The following LUZP2 variants were observed in gnomAD, a reference collection of about 807,000 sequenced individuals.
The protein encoded by LUZP2 is leucine zipper protein 2.
LUZP2 carries 52 observed loss-of-function variants against 51.6 expected under a neutral mutation model. The ratio of observed to expected loss-of-function variants is 1.01; its 90% CI spans 0.81 to 1.27. The LOEUF (loss-of-function observed/expected upper bound fraction) is 1.27, where lower values mean the gene tolerates loss of function less well. LUZP2 is among the 50% of genes most tolerant of loss of function. The pLI, the probability that LUZP2 is intolerant of heterozygous loss-of-function variation, is 0.00. For synonymous variants in LUZP2, 154 were observed against 137.3 expected, an observed-to-expected ratio of 1.12 and a Z score of -0.85; for missense variants, 436 against 395.4, an observed-to-expected ratio of 1.10 and a Z score of -0.87.
At chr11:24,984,965 A>G (rs1006682228) in intron 9 of LUZP2, among the ~76,000 whole-genome samples, 1 of 151,512 alleles carries the variant, frequency 6.6e-6, no homozygotes, top group Admixed American at 6.6e-5. Context: ...TAGCTCATTG[A>G]TCTGTTTAAT....
intron 5 of LUZP2, among the ~76,000 whole-genome samples, chr11:24,858,360 T>G (rs1851632973): frequency 6.6e-6 from 1 of 152,166 alleles, no homozygotes; most frequent in Non-Finnish European, 1.5e-5. Flanking sequence ...GAGATGCTAT[T>G]TATCTTTAAA....
At position 24,703,628 on chromosome 11, in the gene LUZP2, G is replaced by C. The variant is rs1023969593; in HGVS notation, c.63-25541G>C. ...ACCTGAGGTCAGGAGTTCGAGACCA[G>C]CCTGGCCAACATGGTGACACTCTGT... On this transcript the variant is annotated intron_variant, in intron 1 of 11. Coordinates refer to ENST00000336930, the MANE Select transcript of LUZP2 (RefSeq NM_001009909.4). 2.6e-5 allele frequency among the ~76,000 whole-genome samples: 4 copies of C among 151,816 alleles called. No individual in the cohort carries two copies. In the East Asian group the frequency reaches 5.9e-4, roughly 22 times the overall value.
rs542165392 is a variant in LUZP2 at position 24,637,745 on chromosome 11, G to A, written c.63-91424G>A. On this transcript the variant is annotated intron_variant, in intron 1 of 11. Coordinates refer to ENST00000336930, the MANE Select transcript of LUZP2 (RefSeq NM_001009909.4). ...CAGCCTGGTGAATTCTAGTCAGACC[G>A]GTTCTGTGCTCTTGCACCCTGTTTC... Among the ~76,000 whole-genome samples the A allele has an allele frequency of 1.9e-3, 289 of 151,882 alleles. 9 individuals are homozygous for A. The highest frequency in any genetic ancestry group is 6.4e-3 in the African/African-American group (265 of 41,202).
chr11:24,649,195 G>A (rs1855550852), intron 1 of LUZP2, among the ~76,000 whole-genome samples: 1 of 151,998 alleles, frequency 6.6e-6, no homozygotes, highest in Non-Finnish European at 1.5e-5. Flanking sequence ...AGTGGTGTTG[G>A]TGGATGGCCA....
intron 1 of LUZP2, among the ~76,000 whole-genome samples, chr11:24,698,314 T>C (rs1454505385): frequency 6.6e-6 from 1 of 152,192 alleles, no homozygotes; most frequent in Non-Finnish European, 1.5e-5. Flanking sequence ...TTTTACATTA[T>C]TAATTTAATG....
At chr11:24,793,433 T>A (rs1849460571) in intron 5 of LUZP2, among the ~76,000 whole-genome samples, 2 of 152,316 alleles carry the variant, frequency 1.3e-5, no homozygotes, top group African/African-American at 4.8e-5. Flanking sequence ...CATCTGTGGA[T>A]GTACTCTGCT....
At chr11:24,986,684 T>C (rs1292207610) in intron 9 of LUZP2, among the ~76,000 whole-genome samples, 2 of 151,562 alleles carry the variant, frequency 1.3e-5, no homozygotes, top group Non-Finnish European at 3.0e-5. Context: ...AAAAGGCAAA[T>C]TAATAAACAA....
At chr11:25,044,923 A>G (rs937101153) in intron 9 of LUZP2, among the ~76,000 whole-genome samples, 5 of 151,804 alleles carry the variant, frequency 3.3e-5, no homozygotes, top group African/African-American at 9.7e-5. Context: ...AATGGATGAA[A>G]CTGGAAACCA....
chr11:25,021,081 G>A (rs1033041450), intron 9 of LUZP2, among the ~76,000 whole-genome samples: 15 of 151,940 alleles, frequency 9.9e-5, no homozygotes, highest in Non-Finnish European at 1.9e-4. Context: ...CTTCTTAGTT[G>A]GGGCTTATAT....
chr11:24,727,902 A>G (rs1858541051), intron 1 of LUZP2, among the ~76,000 whole-genome samples: 1 of 152,002 alleles, frequency 6.6e-6, no homozygotes, highest in Non-Finnish European at 1.5e-5. Context: ...TGAACGTATT[A>G]ATCATCACTA....
intron 7 of LUZP2, among the ~76,000 whole-genome samples, chr11:24,926,477 G>T (rs1049581793): frequency 1.3e-4 from 14 of 110,970 alleles, no homozygotes; most frequent in African/African-American, 5.1e-4. Context: ...GTGTATATAT[G>T]TGTGTGTATA....
intron 1 of LUZP2, among the ~76,000 whole-genome samples, chr11:24,583,279 A>G (rs1852939539): frequency 6.6e-6 from 1 of 152,126 alleles, no homozygotes. Context: ...AAGCCAGCAT[A>G]CAATGTGATT....
At chr11:24,978,445 C>T (rs1479234567) in intron 8 of LUZP2, among the ~76,000 whole-genome samples, 1 of 151,598 alleles carries the variant, frequency 6.6e-6, no homozygotes, top group Non-Finnish European at 1.5e-5. Flanking sequence ...CATTAGATTC[C>T]CATGATTCTG....
intron 3 of LUZP2, among the ~76,000 whole-genome samples, 166 bp downstream of exon 3, chr11:24,732,354 A>G (rs1416741613): frequency 1.3e-5 from 2 of 151,880 alleles, no homozygotes; most frequent in Non-Finnish European, 1.5e-5. Context: ...GCAGATTCTT[A>G]CACAACTGGG....
intron 5 of LUZP2, among the ~76,000 whole-genome samples, chr11:24,771,229 C>T (rs78590729): frequency 0.081 from 12,196 of 150,948 alleles, 1,072 homozygotes; most frequent in African/African-American, 0.22. Context: ...TAAAGGCAAC[C>T]TTTCTTAATA....
chr11:24,897,571 C>A (rs1463036484), intron 5 of LUZP2, among the ~76,000 whole-genome samples: 1 of 152,034 alleles, frequency 6.6e-6, no homozygotes, highest in Admixed American at 6.6e-5. Flanking sequence ...ACTCCTGAAG[C>A]CAGGGAGACC....
chr11:24,619,471 A>G (rs1403773777), intron 1 of LUZP2, among the ~76,000 whole-genome samples: 2 of 152,196 alleles, frequency 1.3e-5, no homozygotes, highest in African/African-American at 4.8e-5. Context: ...TACTTGAAAG[A>G]CACTGGCACA....
At position 24,712,289 on chromosome 11, in the gene LUZP2, C is replaced by T. The variant is rs555724722; in HGVS notation, c.63-16880C>T. Among the ~76,000 whole-genome samples, 10 of 151,972 alleles carry T rather than the reference C, an allele frequency of 6.6e-5. No individual in the cohort carries two copies. In the East Asian group the frequency reaches 1.2e-3, roughly 18 times the overall value. On this transcript the variant is annotated intron_variant, in intron 1 of 11. Coordinates refer to ENST00000336930, the MANE Select transcript of LUZP2 (RefSeq NM_001009909.4). ...TTAGCCAGGCATGGTGGCATGCACC[C>T]GTGGTCTCAGCTACTCACATACTCA...
chr11:24,872,423 T>C (rs1852109397), intron 5 of LUZP2, among the ~76,000 whole-genome samples: 1 of 152,166 alleles, frequency 6.6e-6, no homozygotes, highest in Admixed American at 6.6e-5. Context: ...AAAGCTTTGT[T>C]CCCTGCCCTG....
Sources: gnomAD v4.1 joint callset for allele counts (sites outside exome capture counted in the v4.1 genomes callset) on GRCh38, gnomAD v4.1.1 for gene constraint, MANE v1.5 for transcripts, NCBI Gene and HGNC (gene_info 2026-07-23, HGNC 2026-07-21) for gene names.